VEPH1: variants seen among roughly 807,000 people sequenced by gnomAD.
The protein encoded by VEPH1 is ventricular zone-expressed PH domain-containing protein homolog 1.
A neutral mutation model predicts 85.2 loss-of-function variants in VEPH1; 80 were observed. The observed-to-expected ratio is 0.94, with a 90% CI of 0.78 to 1.13. VEPH1 has a LOEUF of 1.13. VEPH1 is among the 50% of genes most tolerant of loss of function. The pLI is 0.00. For missense variants in VEPH1, 955 were observed against 980.5 expected (o/e 0.97, Z 0.35); for synonymous variants, 297 against 348.0 (o/e 0.85, Z 1.63).
chr3:157,432,087 A>G (rs1343987422), intron 4 of VEPH1, among the ~76,000 whole-genome samples: 1 of 151,936 alleles, frequency 6.6e-6, no homozygotes, highest in African/African-American at 2.4e-5. Flanking sequence ...TGACCTTGTG[A>G]TCTGCCCGCC....
intron 5 of VEPH1, among the ~76,000 whole-genome samples, chr3:157,421,910 T>A (rs1324217103): frequency 1.3e-5 from 2 of 152,076 alleles, no homozygotes; most frequent in Non-Finnish European, 2.9e-5. Flanking sequence ...CCCTGGCCTC[T>A]TTGTTCTGGG....
intron 4 of VEPH1, among the ~76,000 whole-genome samples, chr3:157,454,080 A>C (rs1735181898): frequency 6.6e-6 from 1 of 152,068 alleles, no homozygotes; most frequent in East Asian, 1.9e-4. Context: ...TTTTTCATAA[A>C]TCTGTTATTT....
At chr3:157,464,387 T>C (rs1404900265) in intron 3 of VEPH1, among the ~76,000 whole-genome samples, 2 of 152,200 alleles carry the variant, frequency 1.3e-5, no homozygotes, top group Admixed American at 1.3e-4. Flanking sequence ...GAAATGCTAA[T>C]GGCATGCATG....
intron 1 of VEPH1, among the ~76,000 whole-genome samples, chr3:157,502,378 T>C (rs1356437799): frequency 6.6e-6 from 1 of 152,216 alleles, no homozygotes; most frequent in Non-Finnish European, 1.5e-5. Flanking sequence ...TCAAGTCTAA[T>C]AAACTTTCTA....
At chr3:157,343,137 T>C (rs1333488193) in intron 9 of VEPH1, among the ~76,000 whole-genome samples, 1 of 151,694 alleles carries the variant, frequency 6.6e-6, no homozygotes, top group African/African-American at 2.4e-5. Flanking sequence ...CAAGAGCAAA[T>C]ACATTCAAAA....
chr3:157,442,671 C>T, intron 4 of VEPH1: 1 of 1,614,212 alleles, frequency 6.2e-7, no homozygotes, highest in Non-Finnish European at 8.5e-7. Flanking sequence ...AGAGGAAGGG[C>T]TCACATCCTT....
chr3:157,380,622 C>T (rs1378595492), intron 7 of VEPH1, among the ~76,000 whole-genome samples: 2 of 152,162 alleles, frequency 1.3e-5, no homozygotes, highest in East Asian at 1.9e-4. Flanking sequence ...AACAACTTCC[C>T]ACCCCTCTCC....
chr3:157,413,158 TA>T (rs1177088122), intron 6 of VEPH1, among the ~76,000 whole-genome samples: 1 of 152,106 alleles, frequency 6.6e-6, no homozygotes, highest in East Asian at 1.9e-4. Context: ...TTTTAATATA[TA>T]AAAATCCTAA....
intron 11 of VEPH1, among the ~76,000 whole-genome samples, chr3:157,313,260 C>T (rs1221369502): frequency 6.6e-6 from 1 of 152,014 alleles, no homozygotes; most frequent in Admixed American, 6.6e-5. Context: ...TCTGGAACTA[C>T]TGGCCTCATA....
chr3:157,332,909 G>C (rs1722635695), intron 9 of VEPH1, among the ~76,000 whole-genome samples: 1 of 152,166 alleles, frequency 6.6e-6, no homozygotes, highest in South Asian at 2.1e-4. Flanking sequence ...AATCTGAAGA[G>C]TGACATTTGC....
chr3:157,379,547 T>TATCA (rs976625437), intron 7 of VEPH1, among the ~76,000 whole-genome samples: 22 of 152,216 alleles, frequency 1.4e-4, no homozygotes, highest in African/African-American at 5.1e-4. Flanking sequence ...TGACTCTTGA[T>TATCA]GGTAAGGATA....
At chr3:157,282,146 A>G (rs979291895) in intron 12 of VEPH1, among the ~76,000 whole-genome samples, 2 of 152,208 alleles carry the variant, frequency 1.3e-5, no homozygotes, top group African/African-American at 4.8e-5. Context: ...AATCTAATAT[A>G]ATATAATAAA....
At chr3:157,437,338 T>A (rs542868240) in intron 4 of VEPH1, among the ~76,000 whole-genome samples, 60 of 152,314 alleles carry the variant, frequency 3.9e-4, no homozygotes, top group Admixed American at 5.9e-4. Context: ...CCTGAATGAA[T>A]GATTTCTGTC....
At chr3:157,475,389 A>C (rs1737374023) in intron 2 of VEPH1, among the ~76,000 whole-genome samples, 1 of 152,208 alleles carries the variant, frequency 6.6e-6, no homozygotes, top group South Asian at 2.1e-4. Context: ...GTCTTTTTAA[A>C]AAAATAGGTG....
rs151116926 is a variant in VEPH1 at position 157,286,925 on chromosome 3, G to A, written c.2011-251C>T. On this transcript the variant is annotated intron_variant, in intron 11 of 13. Transcript: ENST00000362010. Reference sequence around the variant, plus strand: ...CCCAGGGCTGAGTGTCAGGGTTGAGGTGTCAGAGCTTGAAATGGCCCAGAA... The same window carrying A: ...CCCAGGGCTGAGTGTCAGGGTTGAGATGTCAGAGCTTGAAATGGCCCAGAA... 2.1e-3 allele frequency among the ~76,000 whole-genome samples: 322 copies of A among 152,308 alleles called. 3 individuals carry two copies. The highest frequency in any genetic ancestry group is 7.5e-3 in the African/African-American group (311 of 41,562).
At chr3:157,319,931 T>G (rs1399006888) in intron 9 of VEPH1, among the ~76,000 whole-genome samples, 1 of 152,212 alleles carries the variant, frequency 6.6e-6, no homozygotes, top group East Asian at 1.9e-4. Context: ...GATATAAGGC[T>G]TCTGTGAATG....
chr3:157,295,812 G>C (rs2321742), intron 11 of VEPH1, among the ~76,000 whole-genome samples: 32,738 of 152,004 alleles, frequency 0.22, 4,446 homozygotes, highest in Admixed American at 0.41. Flanking sequence ...AAAATTAGCT[G>C]GATGTGATGG....
chr3:157,396,011 C>T (rs35004310), intron 6 of VEPH1, among the ~76,000 whole-genome samples: 101,841 of 152,064 alleles, frequency 0.67, 34,443 homozygotes, highest in East Asian at 0.79. Flanking sequence ...GCCATAGTGT[C>T]TGGCTGCACC....
chr3:157,318,744 A>C (rs1721065631), intron 9 of VEPH1, among the ~76,000 whole-genome samples: 1 of 152,240 alleles, frequency 6.6e-6, no homozygotes, highest in African/African-American at 2.4e-5. Flanking sequence ...GACTAGAGTT[A>C]GTTGAAAGTC....
Sources: allele counts gnomAD v4.1 joint callset (sites outside exome capture counted in the v4.1 genomes callset), GRCh38; gene constraint gnomAD v4.1.1; transcripts MANE v1.5; gene names NCBI Gene and HGNC (gene_info 2026-07-23, HGNC 2026-07-21).